ATF3: variants seen among roughly 807,000 people sequenced by gnomAD.
ATF3 encodes the protein activating transcription factor 3, also known as cyclic AMP-dependent transcription factor ATF-3.
Under a neutral mutation model 18.4 loss-of-function variants are expected in ATF3, and 10 were observed. The observed-to-expected ratio is 0.54, with a 90% CI of 0.34 to 0.92. The LOEUF (loss-of-function observed/expected upper bound fraction) is 0.92, where lower values mean the gene tolerates loss of function less well. Ranked by LOEUF, ATF3 falls within the 40% of genes least tolerant of loss-of-function variation. The pLI is 0.02. For synonymous variants in ATF3, 78 were observed against 87.9 expected (o/e 0.89, Z 0.63); for missense variants, 183 against 222.3 (o/e 0.82, Z 1.12).
intron 1 of ATF3, among the ~76,000 whole-genome samples, chr1:212,583,909 A>G (rs572177310): frequency 6.6e-6 from 1 of 152,346 alleles, no homozygotes; most frequent in South Asian, 2.1e-4. Flanking sequence ...CGCATTCAAC[A>G]GGTATTTACC....
chr1:212,597,500 A>T (rs1383663178), intron 1 of ATF3, among the ~76,000 whole-genome samples: 1 of 152,006 alleles, frequency 6.6e-6, no homozygotes, highest in Non-Finnish European at 1.5e-5. Flanking sequence ...CTATCTAGCA[A>T]TCATCTATCT....
chr1:212,567,628 A>T (rs1664407902), intron 1 of ATF3, among the ~76,000 whole-genome samples: 1 of 152,232 alleles, frequency 6.6e-6, no homozygotes, highest in African/African-American at 2.4e-5. Flanking sequence ...AGGTGGATTT[A>T]AAGAGCTTAG....
intron 1 of ATF3, among the ~76,000 whole-genome samples, chr1:212,580,029 CCCAG>C (rs1423689406): frequency 2.6e-5 from 4 of 151,218 alleles, no homozygotes; most frequent in Admixed American, 2.6e-4. Context: ...TGCCTGTAAT[CCCAG>C]CTACTCTGGA....
intron 2 of ATF3, among the ~76,000 whole-genome samples, chr1:212,617,563 T>C (rs923035735): frequency 2.0e-5 from 3 of 152,124 alleles, no homozygotes; most frequent in African/African-American, 7.2e-5. Context: ...GCCGCTTTGG[T>C]TGGGAATGGG....
intron 1 of ATF3, among the ~76,000 whole-genome samples, chr1:212,589,785 C>T (rs1664847065): frequency 6.8e-6 from 1 of 147,526 alleles, no homozygotes; most frequent in African/African-American, 2.5e-5. Context: ...CGGTCCTGAT[C>T]ACTGACTCTT....
intron 1 of ATF3, among the ~76,000 whole-genome samples, chr1:212,568,688 C>T (rs1664426294): frequency 6.6e-6 from 1 of 152,158 alleles, no homozygotes; most frequent in African/African-American, 2.4e-5. Flanking sequence ...AGTGTGTCCT[C>T]CTGGTGACTG....
chr1:212,613,665 A>C (rs999240021), intron 1 of ATF3: 1 of 152,230 alleles, frequency 6.6e-6, no homozygotes, highest in Non-Finnish European at 1.5e-5. Flanking sequence ...GACTGTGCTA[A>C]TGACCACAGA....
At chr1:212,611,641 G>A (rs11571526) in intron 1 of ATF3, among the ~76,000 whole-genome samples, 68 of 152,268 alleles carry the variant, frequency 4.5e-4, no homozygotes, top group African/African-American at 1.5e-3. Flanking sequence ...GGCCAGTACT[G>A]GCTTCCTAGT....
chr1:212,602,531 G>A (rs544843576), intron 1 of ATF3, among the ~76,000 whole-genome samples: 5 of 152,268 alleles, frequency 3.3e-5, no homozygotes, highest in East Asian at 1.9e-4. Context: ...GGTAGGTATC[G>A]TGGTTGCGCA....
chr1:212,620,678 G>A lies in ATF3; in HGVS notation c.*1123G>A, dbSNP rs1655351592. On this transcript the variant is annotated 3_prime_UTR_variant, in exon 4 of 4. Coordinates refer to ENST00000341491, the MANE Select transcript of ATF3 (RefSeq NM_001674.4). ...CTCAGAGTGTTTAATTGTACTCAAT[G>A]GTATCATTACAATTTTCTGTAAGAG... 6.6e-6 allele frequency: 1 copy of A among 152,434 alleles called. No individual in the cohort carries two copies. The highest frequency in any genetic ancestry group is 2.4e-5 in the African/African-American group (1 of 41,364). The allele number at this position is 152,434 out of a possible 1,614,324, so 9.4% of individuals were successfully genotyped here.
chr1:212,587,120 C>T (rs1025014479), intron 1 of ATF3, among the ~76,000 whole-genome samples: 30 of 152,054 alleles, frequency 2.0e-4, no homozygotes, highest in Admixed American at 9.2e-4. Context: ...GATTACGTTT[C>T]GGAGAAGAGC....
At chr1:212,603,248 G>A (rs891951243) in intron 1 of ATF3, among the ~76,000 whole-genome samples, 1 of 152,296 alleles carries the variant, frequency 6.6e-6, no homozygotes, top group Non-Finnish European at 1.5e-5. Flanking sequence ...AGCACAGCCT[G>A]GCTGCTCTAA....
In ATF3 at chr1:212,620,056, T is replaced by G. The variant is rs1455543898; in HGVS notation, c.*501T>G. ...TATGCTGTTATGTCCAGAAATTGTG[T>G]GTGCAAGAAAACTAGGCAATGTACT... On this transcript the variant is annotated 3_prime_UTR_variant, in exon 4 of 4. Coordinates refer to ENST00000341491, the MANE Select transcript of ATF3 (RefSeq NM_001674.4). The G allele has an allele frequency of 5.3e-6, 1 of 187,390 alleles. No homozygotes were observed. Among genetic ancestry groups the G allele is most frequent in the African/African-American group, 2.3e-5 (1 of 42,584 alleles). The allele number at this position is 187,390 out of a possible 1,614,324, so 11.6% of individuals were successfully genotyped here.
At chr1:212,583,608 A>T (rs1387306122) in intron 1 of ATF3, among the ~76,000 whole-genome samples, 1 of 152,222 alleles carries the variant, frequency 6.6e-6, no homozygotes, top group Non-Finnish European at 1.5e-5. Context: ...GACAAGGGCC[A>T]ACTGACAGGG....
chr1:212,598,071 C>T (rs1387079910), intron 1 of ATF3, among the ~76,000 whole-genome samples: 1 of 152,110 alleles, frequency 6.6e-6, no homozygotes, highest in Admixed American at 6.5e-5. Context: ...TAGTTTTTGC[C>T]TTCATGAAAG....
intron 1 of ATF3, among the ~76,000 whole-genome samples, chr1:212,570,541 A>G (rs1485676053): frequency 6.6e-6 from 1 of 152,226 alleles, no homozygotes; most frequent in East Asian, 1.9e-4. Context: ...TGTGTTATAT[A>G]AATCATATCT....
intron 1 of ATF3, among the ~76,000 whole-genome samples, chr1:212,565,680 C>G (rs896744248): frequency 6.6e-6 from 1 of 152,012 alleles, no homozygotes; most frequent in East Asian, 1.9e-4. Context: ...GGATAGGGAT[C>G]GAAAAGTCCT....
In ATF3 at chr1:212,595,757, A is replaced by G. The variant is rs566045787; in HGVS notation, c.-4-19261A>G. Among the ~76,000 whole-genome samples the G allele has an allele frequency of 3.9e-5, 6 of 152,298 alleles. No homozygotes were observed. In the East Asian group the frequency reaches 9.6e-4, roughly 24 times the overall value. ...CACATTGGCTTAATGCTCTGCTGTC[A>G]CTGACTCAACATTCTTAATAATTTC... On this transcript the variant is annotated intron_variant, in intron 1 of 3. Coordinates refer to the ATF3 transcript ENST00000366981.
At chr1:212,595,864 T>C (rs1214814698) in intron 1 of ATF3, among the ~76,000 whole-genome samples, 1 of 152,224 alleles carries the variant, frequency 6.6e-6, no homozygotes, top group Admixed American at 6.5e-5. Context: ...AACATTATAT[T>C]ACCTACACAA....
Sources: allele counts gnomAD v4.1 joint callset (sites outside exome capture counted in the v4.1 genomes callset), GRCh38; gene constraint gnomAD v4.1.1; transcripts MANE v1.5; gene names NCBI Gene and HGNC (gene_info 2026-07-23, HGNC 2026-07-21).